Variants in GHITM observed in about 807,000 individuals in gnomAD.
GHITM encodes the protein growth hormone inducible transmembrane protein.
In GHITM, 24 loss-of-function variants were observed where a neutral mutation model predicts 38.7. The observed-to-expected ratio is 0.62, with a 90% CI of 0.45 to 0.87. The LOEUF (loss-of-function observed/expected upper bound fraction) is 0.87. Ranked by LOEUF, GHITM falls within the 40% of genes least tolerant of loss-of-function variation. The pLI, the probability that GHITM is intolerant of heterozygous loss-of-function variation, is 0.00. For missense variants in GHITM, 420 were observed against 429.8 expected, an observed-to-expected ratio of 0.98 and a Z score of 0.20; for synonymous variants, 154 against 147.8, an observed-to-expected ratio of 1.04 and a Z score of -0.30.
chr10:84,144,900 A>G lies in GHITM; in HGVS notation c.367A>G (p.Arg123Gly). The G allele has an allele frequency of 2.5e-6, 4 of 1,601,692 alleles. No individual in the cohort carries two copies. The highest frequency in any genetic ancestry group is 3.4e-6 in the Non-Finnish European group (4 of 1,172,132). Residue 123 changes from arginine (R) to glycine (G), a missense_variant, in exon 5 of 9, where the codon AGA (arginine) becomes GGA (glycine). By Grantham distance (125) the Arg-to-Gly change is moderately radical. Transcript: ENST00000372134. The stretch of plus-strand genomic sequence containing the variant: ...AATTTGGCCTCAGTATGTCAAGGAT[A>G]GAATTCATTCCACCTATATGTACTT... ...AVIWPQYVKD[R>G]IHSTYMYLAG...
In GHITM at chr10:84,152,460, CAT is replaced by C. The variant is rs1164219188; in HGVS notation, c.*113_*114del. The C allele has an allele frequency of 3.7e-6, 2 of 540,002 alleles. No homozygotes were observed. Among genetic ancestry groups the C allele is most frequent in the African/African-American group, 1.9e-5 (1 of 51,728 alleles). 33.5% of individuals were successfully genotyped at this position (540,002 alleles called of 1,614,324 possible). ...TCGTTGAAGTTTAGAAGATAAGAAA[CAT>C]GTCATCATATTTAAATGTTCCGGTA... On this transcript the variant is annotated 3_prime_UTR_variant, in exon 9 of 9. Coordinates refer to ENST00000372134, the MANE Select transcript of GHITM (RefSeq NM_014394.3).
chr10:84,149,368 C>A (rs1223953339), intron 6 of GHITM, among the ~76,000 whole-genome samples: 2 of 152,084 alleles, frequency 1.3e-5, no homozygotes, highest in Admixed American at 1.3e-4. Flanking sequence ...AAATGTTATT[C>A]TTTAAGCTAG....
intron 5 of GHITM, among the ~76,000 whole-genome samples, chr10:84,145,406 A>T (rs1414157037): frequency 6.6e-6 from 1 of 152,262 alleles, no homozygotes; most frequent in Non-Finnish European, 1.5e-5. Context: ...TAGGAAGTTC[A>T]TTCTAGGTAG....
In GHITM at chr10:84,152,259, T is replaced by G. The variant is rs766471142; in HGVS notation, c.954-5T>G. 2.0e-6 allele frequency: 3 copies of G among 1,496,600 alleles called. No individual in the cohort carries two copies. Among genetic ancestry groups the G allele is most frequent in the Non-Finnish European group, 2.8e-6 (3 of 1,079,886 alleles). The allele number at this position is 1,496,600 out of a possible 1,614,324, so 92.7% of individuals were successfully genotyped here. Reference sequence around the variant, plus strand: ...ATATATAATGGGCATAATTTTCTTTTCTAGGATGCTGAGTATCTACATGGA... The same window carrying G: ...ATATATAATGGGCATAATTTTCTTTGCTAGGATGCTGAGTATCTACATGGA... On this transcript the variant is annotated splice_polypyrimidine_tract_variant and splice_region_variant and intron_variant, in intron 8 of 8. Coordinates refer to ENST00000372134, the MANE Select transcript of GHITM (RefSeq NM_014394.3).
At chr10:84,147,253 T>G (rs1032931979) in intron 5 of GHITM, among the ~76,000 whole-genome samples, 2 of 152,232 alleles carry the variant, frequency 1.3e-5, no homozygotes, top group East Asian at 1.9e-4. Context: ...GATATGCTTT[T>G]CTTTTCTTTT....
intron 5 of GHITM, among the ~76,000 whole-genome samples, chr10:84,147,066 C>T (rs1458770900): frequency 1.3e-5 from 2 of 149,940 alleles, no homozygotes; most frequent in Non-Finnish European, 3.0e-5. Flanking sequence ...ATTAAGGAGG[C>T]CTGAAATTTT....
chr10:84,147,763 TGTC>T (rs1213270516), intron 5 of GHITM, among the ~76,000 whole-genome samples: 1 of 152,208 alleles, frequency 6.6e-6, no homozygotes, highest in African/African-American at 2.4e-5. Flanking sequence ...ACATTCTTCT[TGTC>T]ATACACAAGC....
intron 6 of GHITM, among the ~76,000 whole-genome samples, chr10:84,149,853 G>T (rs750968047): frequency 6.6e-6 from 1 of 152,236 alleles, no homozygotes; most frequent in Non-Finnish European, 1.5e-5. Flanking sequence ...ATTAGGAATA[G>T]TGTTAATGTT....
At chr10:84,145,084 G>T (rs1841545108) in intron 5 of GHITM, 68 bp downstream of exon 5, 1 of 1,254,440 alleles carries the variant, frequency 8.0e-7, no homozygotes, top group Non-Finnish European at 1.1e-6. Context: ...TATATTGGAG[G>T]GAAGGGTTAT....
At chr10:84,145,908 C>T (rs371115357) in intron 5 of GHITM, among the ~76,000 whole-genome samples, 5 of 152,192 alleles carry the variant, frequency 3.3e-5, no homozygotes, top group South Asian at 4.1e-4. Context: ...TAGAAGTAGA[C>T]AAGAGGGCCA....
In GHITM at chr10:84,150,969, G is replaced by C. The variant is rs946368634; in HGVS notation, c.953+89G>C. ...CCTGTTTTGGTTTATGGCTGTATTAGTTTTCTAGGGATACTGTTAACAAAG... is the reference window on the plus strand; with the variant it reads ...CCTGTTTTGGTTTATGGCTGTATTACTTTTCTAGGGATACTGTTAACAAAG... On this transcript the variant is annotated intron_variant, in intron 8 of 8. Coordinates refer to ENST00000372134, the MANE Select transcript of GHITM (RefSeq NM_014394.3). The C allele has an allele frequency of 4.8e-6, 4 of 830,870 alleles. No homozygotes were observed. In the Admixed American group the frequency reaches 6.1e-5, roughly 13 times the overall value. The allele number at this position is 830,870 out of a possible 1,614,324, so 51.5% of individuals were successfully genotyped here. A position where few individuals can be genotyped will look rare whatever the true frequency, so the allele number is the denominator to read the frequency against.
intron 3 of GHITM, among the ~76,000 whole-genome samples, chr10:84,143,296 C>G (rs567149515): frequency 1.3e-5 from 2 of 152,324 alleles, no homozygotes; most frequent in African/African-American, 4.8e-5. Context: ...CCTTAATAAT[C>G]TTGCAAAATG....
chr10:84,150,134 C>A lies in GHITM; in HGVS notation c.672C>A (p.Gly224=). The change falls in exon 7 of 9, where the codon GGC becomes GGA. Residue 224 remains glycine (G), a synonymous_variant. Transcript: ENST00000372134. The part of the protein sequence containing the change: ...LLIRAAWYTA[G]IVGGLSTVAM... Reference sequence around the variant, plus strand: ...TCAGAGCTGCATGGTACACAGCTGGCATTGTGGGAGGCCTCTCCACTGTGG... The same window carrying A: ...TCAGAGCTGCATGGTACACAGCTGGAATTGTGGGAGGCCTCTCCACTGTGG... The A allele has an allele frequency of 6.2e-7, 1 of 1,613,892 alleles. No individual in the cohort carries two copies. The highest frequency in any genetic ancestry group is 8.5e-7 in the Non-Finnish European group (1 of 1,179,810).
chr10:84,147,155 A>T (rs746778015), intron 5 of GHITM, among the ~76,000 whole-genome samples: 21 of 152,224 alleles, frequency 1.4e-4, no homozygotes, highest in Non-Finnish European at 2.8e-4. Context: ...AGAAGATCTT[A>T]AAAAAATTTA....
In GHITM at chr10:84,153,084, A is replaced by G. The variant is rs1362952436; in HGVS notation, c.*736A>G. ...TGTGTGTTTTACTTTTGAATGTTAC[A>G]AAAGGAAATAACTTTAAAACTATTC... On this transcript the variant is annotated 3_prime_UTR_variant, in exon 9 of 9. Coordinates refer to ENST00000372134, the MANE Select transcript of GHITM (RefSeq NM_014394.3). The G allele has an allele frequency of 1.3e-5, 2 of 152,252 alleles. No individual in the cohort carries two copies. The highest frequency in any genetic ancestry group is 4.8e-5 in the African/African-American group (2 of 41,472). 9.4% of individuals were successfully genotyped at this position (152,252 alleles called of 1,614,324 possible).
chr10:84,146,071 A>T (rs1056958295), intron 5 of GHITM, among the ~76,000 whole-genome samples: 24 of 152,232 alleles, frequency 1.6e-4, no homozygotes, highest in African/African-American at 5.1e-4. Context: ...TTAAAAAAAA[A>T]TTTTTTTAAG....
rs186793542 is a variant in GHITM, at chr10:84,142,181, C to T, written c.130-474C>T. On this transcript the variant is annotated intron_variant, in intron 2 of 8. Transcript: ENST00000372134. ...TAACTGTTCCACTGTTGAAAAAGAG[C>T]CACAATGGAAGTAGTAGTCTTCCCT... Among the ~76,000 whole-genome samples the T allele has an allele frequency of 2.6e-3, 393 of 152,272 alleles. 4 individuals are homozygous for T. Among genetic ancestry groups the T allele is most frequent in the South Asian group, 0.015 (74 of 4,818 alleles).
rs2132746222 is a variant in GHITM at position 84,152,791 on chromosome 10, G to A, written c.*443G>A. On this transcript the variant is annotated 3_prime_UTR_variant, in exon 9 of 9. Coordinates refer to ENST00000372134, the MANE Select transcript of GHITM (RefSeq NM_014394.3). ...AGGGACCAGAGAGAAGGAGTCACCT[G>A]CAGTCTTTTGTTTTTTTAAATACTT... 1 of 153,624 alleles carries A rather than the reference G, an allele frequency of 6.5e-6. No individual in the cohort carries two copies. The highest frequency in any genetic ancestry group is 2.4e-5 in the African/African-American group (1 of 41,592). 9.5% of individuals were successfully genotyped at this position (153,624 alleles called of 1,614,324 possible).
chr10:84,150,485 T>G (rs1841600481), intron 7 of GHITM, among the ~76,000 whole-genome samples: 2 of 152,188 alleles, frequency 1.3e-5, no homozygotes, highest in African/African-American at 4.8e-5. Flanking sequence ...TGAATATTGC[T>G]CTGATGCAAG....
Sources: gnomAD v4.1 joint callset for allele counts (sites outside exome capture counted in the v4.1 genomes callset) on GRCh38, gnomAD v4.1.1 for gene constraint, MANE v1.5 for transcripts, NCBI Gene and HGNC (gene_info 2026-07-23, HGNC 2026-07-21) for gene names.